The following LYPD6B variants were observed in gnomAD, a reference collection of about 807,000 sequenced individuals.
The protein encoded by LYPD6B is LY6/PLAUR domain containing 6B.
Under a neutral mutation model 22.8 loss-of-function variants are expected in LYPD6B, and 17 were observed. The ratio of observed to expected loss-of-function variants is 0.75; its 90% CI spans 0.51 to 1.12. The LOEUF is 1.12. Ranked by LOEUF, LYPD6B falls within the 50% of genes most tolerant of loss-of-function variation. LYPD6B has a pLI of 0.00. For missense variants in LYPD6B, 221 were observed against 258.3 expected, an observed-to-expected ratio of 0.86 and a Z score of 0.99; for synonymous variants, 106 against 91.6, an observed-to-expected ratio of 1.16 and a Z score of -0.90.
chr2:149,064,828 C>T (rs1371398757), intron 1 of LYPD6B, among the ~76,000 whole-genome samples: 1 of 152,178 alleles, frequency 6.6e-6, no homozygotes, highest in Admixed American at 6.5e-5. Context: ...GCTGTCACTG[C>T]CTGGAACGTG....
intron 3 of LYPD6B, among the ~76,000 whole-genome samples, chr2:149,165,741 T>C (rs1358547274): frequency 1.3e-5 from 2 of 152,182 alleles, no homozygotes; most frequent in Non-Finnish European, 1.5e-5. Flanking sequence ...GGGATTCCAC[T>C]CCAGGAGGTC....
intron 3 of LYPD6B, among the ~76,000 whole-genome samples, chr2:149,166,664 G>A (rs868427482): frequency 2.6e-5 from 4 of 152,060 alleles, no homozygotes; most frequent in Non-Finnish European, 5.9e-5. Context: ...CACCCTCATC[G>A]TCTTATGTGG....
chr2:149,190,814 T>C (rs1692439578), intron 3 of LYPD6B, among the ~76,000 whole-genome samples: 1 of 152,206 alleles, frequency 6.6e-6, no homozygotes, highest in Non-Finnish European at 1.5e-5. Flanking sequence ...GTTTTAAATG[T>C]GATAGGAGTT....
intron 1 of LYPD6B, among the ~76,000 whole-genome samples, chr2:149,048,198 A>T (rs547946673): frequency 2.6e-5 from 4 of 152,140 alleles, no homozygotes; most frequent in African/African-American, 9.7e-5. Context: ...GTTGATAACT[A>T]GACATCTTAT....
chr2:149,196,651 C>T (rs1279799847), intron 3 of LYPD6B, among the ~76,000 whole-genome samples: 3 of 152,126 alleles, frequency 2.0e-5, no homozygotes, highest in African/African-American at 7.2e-5. Flanking sequence ...GTTCTAGGGA[C>T]AATTTTACAA....
chr2:149,198,478 G>C (rs1692960454), intron 3 of LYPD6B, among the ~76,000 whole-genome samples: 1 of 152,074 alleles, frequency 6.6e-6, no homozygotes, highest in African/African-American at 2.4e-5. Context: ...GAGTCTTTTA[G>C]GTTTTTCTTA....
At chr2:149,140,493 G>T (rs1451824827) in intron 2 of LYPD6B, among the ~76,000 whole-genome samples, 3 of 152,272 alleles carry the variant, frequency 2.0e-5, no homozygotes, top group African/African-American at 7.2e-5. Flanking sequence ...GTAGGAATCA[G>T]GGGTGCCCGT....
At chr2:149,160,359 A>T in intron 2 of LYPD6B, 1 of 449,616 alleles carries the variant, frequency 2.2e-6, no homozygotes, top group South Asian at 1.6e-5. Context: ...CAGAGTCTTC[A>T]TTGTGGATGT....
chr2:149,147,452 CAG>C (rs1405852463), intron 2 of LYPD6B, among the ~76,000 whole-genome samples: 1 of 152,168 alleles, frequency 6.6e-6, no homozygotes, highest in African/African-American at 2.4e-5. Flanking sequence ...TGACTACCTC[CAG>C]TCAGATCATA....
intron 1 of LYPD6B, among the ~76,000 whole-genome samples, chr2:149,102,203 C>T (rs989148879): frequency 7.9e-5 from 12 of 152,130 alleles, no homozygotes; most frequent in Non-Finnish European, 1.8e-4. Context: ...ATGAATGAAT[C>T]ACTTTAAAAA....
chr2:149,099,476 C>T (rs1332426428), intron 1 of LYPD6B, among the ~76,000 whole-genome samples: 1 of 152,004 alleles, frequency 6.6e-6, no homozygotes, highest in Non-Finnish European at 1.5e-5. Context: ...TTGGTCCCCT[C>T]ATGGTAGGGT....
intron 1 of LYPD6B, among the ~76,000 whole-genome samples, chr2:149,092,901 G>C (rs1346936782): frequency 6.6e-6 from 1 of 152,130 alleles, no homozygotes; most frequent in Non-Finnish European, 1.5e-5. Flanking sequence ...ATCTTCTAAA[G>C]CCATTGCTAT....
intron 1 of LYPD6B, chr2:149,068,846 G>T: frequency 2.6e-6 from 1 of 381,020 alleles, no homozygotes; most frequent in Non-Finnish European, 5.4e-6. Context: ...AACTACTCCA[G>T]GTTTATCGCC....
chr2:149,170,817 T>C (rs1239001480), intron 3 of LYPD6B, among the ~76,000 whole-genome samples: 3 of 152,218 alleles, frequency 2.0e-5, no homozygotes, highest in Non-Finnish European at 4.4e-5. Flanking sequence ...CAGTCACTAT[T>C]CTAACAGCTA....
intron 1 of LYPD6B, among the ~76,000 whole-genome samples, chr2:149,108,770 C>T (rs745972425): frequency 2.0e-5 from 3 of 152,016 alleles, no homozygotes; most frequent in Non-Finnish European, 4.4e-5. Flanking sequence ...TTCCCCTTTC[C>T]TTATTTTTCT....
intron 1 of LYPD6B, among the ~76,000 whole-genome samples, chr2:149,071,163 G>A (rs1377984454): frequency 6.6e-6 from 1 of 152,206 alleles, no homozygotes; most frequent in African/African-American, 2.4e-5. Context: ...TGAGTCCATA[G>A]CAATACTTAA....
intron 1 of LYPD6B, among the ~76,000 whole-genome samples, chr2:149,086,861 A>G (rs781286614): frequency 7.9e-5 from 12 of 152,100 alleles, no homozygotes; most frequent in Non-Finnish European, 1.6e-4. Context: ...CTTCACATCA[A>G]CTTCTCTCTG....
intron 5 of LYPD6B, among the ~76,000 whole-genome samples, chr2:149,209,730 A>G (rs1693726602): frequency 6.6e-6 from 1 of 152,188 alleles, no homozygotes; most frequent in Non-Finnish European, 1.5e-5. Flanking sequence ...ATTAGCACAA[A>G]TGGCCGTGGC....
At chr2:149,053,647 A>G (rs1410756076) in intron 1 of LYPD6B, among the ~76,000 whole-genome samples, 1 of 152,224 alleles carries the variant, frequency 6.6e-6, no homozygotes, top group Admixed American at 6.5e-5. Flanking sequence ...TGATATATTT[A>G]AAAAGTTGTG....
Sources: allele counts gnomAD v4.1 joint callset (sites outside exome capture counted in the v4.1 genomes callset), GRCh38; gene constraint gnomAD v4.1.1; transcripts MANE v1.5; gene names NCBI Gene and HGNC (gene_info 2026-07-23, HGNC 2026-07-21).